HECW2: variants seen among roughly 807,000 people sequenced by gnomAD.
HECW2 encodes the protein HECT, C2 and WW domain containing E3 ubiquitin protein ligase 2, also known as E3 ubiquitin-protein ligase HECW2.
Under a neutral mutation model 175.2 loss-of-function variants are expected in HECW2, and 61 were observed. The observed-to-expected ratio is 0.35, with a 90% CI of 0.28 to 0.43. HECW2 has a LOEUF of 0.43. Ranked by LOEUF, HECW2 falls within the 20% of genes least tolerant of loss-of-function variation. The pLI is 1.00. For missense variants in HECW2, 1,524 were observed against 2,000.5 expected (o/e 0.76, Z 4.54); for synonymous variants, 671 against 731.0 (o/e 0.92, Z 1.32).
chr2:196,430,317 TG>T (rs1695672322), intron 2 of HECW2, among the ~76,000 whole-genome samples: 1 of 152,160 alleles, frequency 6.6e-6, no homozygotes, highest in Non-Finnish European at 1.5e-5. Context: ...AAATCAACAC[TG>T]TTATTCCACA....
intron 21 of HECW2, among the ~76,000 whole-genome samples, chr2:196,230,391 T>C (rs1005583368): frequency 7.6e-4 from 115 of 152,232 alleles, no homozygotes; most frequent in African/African-American, 2.5e-3. Context: ...TGATTACATA[T>C]GGGGTGCTAA....
intron 17 of HECW2, 178 bp from the exon 18 acceptor site, chr2:196,258,084 G>A (rs1323041949): frequency 8.9e-6 from 5 of 561,362 alleles, no homozygotes; most frequent in South Asian, 2.3e-5. Context: ...CCTTCAAGGG[G>A]GGGGATCTTG....
At chr2:196,424,538 A>G (rs971167111) in intron 2 of HECW2, among the ~76,000 whole-genome samples, 80 of 152,156 alleles carry the variant, frequency 5.3e-4, no homozygotes, top group African/African-American at 1.8e-3. Flanking sequence ...ATGCTATTCC[A>G]AAGTACATAC....
At chr2:196,215,311 T>C (rs1473253546) in intron 28 of HECW2, among the ~76,000 whole-genome samples, 1 of 152,196 alleles carries the variant, frequency 6.6e-6, no homozygotes, top group Admixed American at 6.5e-5. Context: ...CACTGACAAA[T>C]TGCAAAAGGA....
At chr2:196,544,441 C>T (rs1307858849) in intron 1 of HECW2, among the ~76,000 whole-genome samples, 2 of 152,190 alleles carry the variant, frequency 1.3e-5, no homozygotes, top group African/African-American at 4.8e-5. Flanking sequence ...CAGCCATCCC[C>T]TCCCCTTTCA....
intron 1 of HECW2, among the ~76,000 whole-genome samples, chr2:196,451,257 A>G (rs1696337121): frequency 6.6e-6 from 1 of 151,810 alleles, no homozygotes; most frequent in Admixed American, 6.6e-5. Flanking sequence ...AACATGGTGA[A>G]ACCCCGTCTC....
intron 5 of HECW2, among the ~76,000 whole-genome samples, chr2:196,328,051 G>T (rs955597244): frequency 9.9e-6 from 1 of 100,538 alleles, no homozygotes; most frequent in Non-Finnish European, 2.3e-5. Flanking sequence ...ACATCATGCT[G>T]TACACCATAA....
At chr2:196,341,130 C>T (rs1163839040) in intron 3 of HECW2, among the ~76,000 whole-genome samples, 1 of 152,186 alleles carries the variant, frequency 6.6e-6, no homozygotes, top group Non-Finnish European at 1.5e-5. Flanking sequence ...AAAGGGGATA[C>T]TCTGTAAATG....
At chr2:196,580,897 A>G (rs1202501795) in intron 1 of HECW2, among the ~76,000 whole-genome samples, 2 of 152,194 alleles carry the variant, frequency 1.3e-5, no homozygotes, top group Non-Finnish European at 2.9e-5. Context: ...GACCATCCTC[A>G]TTGTCCATCA....
chr2:196,275,598 A>G (rs1011688787), intron 15 of HECW2, among the ~76,000 whole-genome samples: 1 of 152,150 alleles, frequency 6.6e-6, no homozygotes, highest in African/African-American at 2.4e-5. Flanking sequence ...CTAAAAATAC[A>G]AAAATTAGCC....
chr2:196,578,082 T>C (rs1184177966), intron 1 of HECW2, among the ~76,000 whole-genome samples: 1 of 152,072 alleles, frequency 6.6e-6, no homozygotes, highest in East Asian at 1.9e-4. Flanking sequence ...ATGTAATAGG[T>C]TCAAATTACT....
intron 5 of HECW2, among the ~76,000 whole-genome samples, chr2:196,328,317 A>G (rs1055454699): frequency 2.0e-5 from 3 of 152,218 alleles, no homozygotes; most frequent in African/African-American, 7.2e-5. Context: ...GCCCTTCTGC[A>G]AACCTAGATA....
intron 1 of HECW2, among the ~76,000 whole-genome samples, chr2:196,471,246 C>T (rs1200917630): frequency 6.6e-6 from 1 of 152,116 alleles, no homozygotes; most frequent in African/African-American, 2.4e-5. Context: ...TAGATAAATG[C>T]AAATCAAAAC....
chr2:196,289,807 T>C (rs1447746589), intron 14 of HECW2: 2 of 152,202 alleles, frequency 1.3e-5, no homozygotes, highest in African/African-American at 4.8e-5. Flanking sequence ...ACAGGACTCC[T>C]AACATGCAGC....
At chr2:196,428,047 A>G (rs1322069758) in intron 2 of HECW2, among the ~76,000 whole-genome samples, 2 of 152,208 alleles carry the variant, frequency 1.3e-5, no homozygotes, top group Non-Finnish European at 2.9e-5. Context: ...ATTCTGCACA[A>G]TGAGCCAAAC....
At chr2:196,224,607 G>A (rs1229811584) in intron 23 of HECW2, among the ~76,000 whole-genome samples, 1 of 152,180 alleles carries the variant, frequency 6.6e-6, no homozygotes, top group African/African-American at 2.4e-5. Context: ...GGTGGCGGGT[G>A]TGGGTGGTGC....
chr2:196,399,549 G>A (rs182841647), intron 2 of HECW2, among the ~76,000 whole-genome samples: 65 of 152,274 alleles, frequency 4.3e-4, no homozygotes, highest in African/African-American at 1.5e-3. Flanking sequence ...GTTAAGTGTG[G>A]TGTTATGCAT....
chr2:196,542,105 A>T (rs1040873241), intron 1 of HECW2, among the ~76,000 whole-genome samples: 4 of 151,972 alleles, frequency 2.6e-5, no homozygotes, highest in Non-Finnish European at 5.9e-5. Context: ...CTACTAAAAA[A>T]ATACAAAAAT....
chr2:196,369,759 C>T (rs779114023), intron 2 of HECW2, among the ~76,000 whole-genome samples: 7 of 152,004 alleles, frequency 4.6e-5, no homozygotes, highest in Non-Finnish European at 7.4e-5. Context: ...TCCACTCTGC[C>T]CTCATCTTTC....
Sources: allele counts gnomAD v4.1 joint callset (sites outside exome capture counted in the v4.1 genomes callset), GRCh38; gene constraint gnomAD v4.1.1; transcripts MANE v1.5; gene names NCBI Gene and HGNC (gene_info 2026-07-23, HGNC 2026-07-21).